Variants in GFOD2 observed in about 807,000 individuals in gnomAD.
The protein encoded by GFOD2 is Gfo/Idh/MocA-like oxidoreductase domain containing 2, also known as glucose-fructose oxidoreductase domain-containing protein 2.
Under a neutral mutation model 24.6 loss-of-function variants are expected in GFOD2, and 9 were observed. That is an observed-to-expected ratio of 0.37 (90% CI 0.22 to 0.64). GFOD2 has a LOEUF of 0.64. Among genes scored for constraint, GFOD2 ranks in the 30% least tolerant of loss-of-function variants. The pLI is 0.65. For missense variants in GFOD2, 476 were observed against 532.5 expected (o/e 0.89, Z 1.04); for synonymous variants, 211 against 224.8 (o/e 0.94, Z 0.55).
At chr16:67,701,506 C>T (rs2053402216) in intron 1 of GFOD2, among the ~76,000 whole-genome samples, 1 of 152,314 alleles carries the variant, frequency 6.6e-6, no homozygotes, top group Middle Eastern at 3.4e-3. Context: ...TACTTAAAGG[C>T]ACCATACTGT....
intron 1 of GFOD2, among the ~76,000 whole-genome samples, chr16:67,690,222 T>C (rs1054615240): frequency 1.3e-5 from 2 of 152,142 alleles, no homozygotes; most frequent in African/African-American, 4.8e-5. Context: ...GGTAATTAGA[T>C]TTTTAATTTT....
intron 1 of GFOD2, among the ~76,000 whole-genome samples, chr16:67,714,394 G>A (rs1354444394): frequency 2.7e-5 from 4 of 149,116 alleles, no homozygotes; most frequent in Non-Finnish European, 4.4e-5. Context: ...CACAAGAATC[G>A]CTTGAACCCA....
intron 1 of GFOD2, among the ~76,000 whole-genome samples, chr16:67,688,961 G>A (rs796174594): frequency 9.9e-5 from 15 of 150,996 alleles, no homozygotes; most frequent in Admixed American, 5.3e-4. Context: ...GGATGGTCTC[G>A]ATCTCCTGAC....
chr16:67,683,131 T>C, intron 2 of GFOD2: 1 of 876,514 alleles, frequency 1.1e-6, no homozygotes, highest in Non-Finnish European at 1.4e-6. Flanking sequence ...TGGCTAATTT[T>C]TAAACTTTTT....
intron 2 of GFOD2, among the ~76,000 whole-genome samples, chr16:67,679,225 C>A (rs1044423332): frequency 1.4e-5 from 2 of 146,832 alleles, no homozygotes; most frequent in African/African-American, 2.5e-5. Flanking sequence ...TAAATAATTT[C>A]TTTTTTTTTT....
rs574386871 is a variant in GFOD2, at chr16:67,699,721, C to A, written c.-87-13919G>T. On this transcript the variant is annotated intron_variant, in intron 1 of 2. Transcript: ENST00000268797. Reference sequence around the variant, plus strand: ...CTGGTCTCAAACTCCTGGCCTCAAGCGATCCACCAGCCTCAGCCTCCCAAA... The same window carrying A: ...CTGGTCTCAAACTCCTGGCCTCAAGAGATCCACCAGCCTCAGCCTCCCAAA... Among the ~76,000 whole-genome samples, 27 of 151,852 alleles carry A rather than the reference C, an allele frequency of 1.8e-4. No individual in the cohort carries two copies. In the South Asian group the frequency reaches 4.8e-3, roughly 27 times the overall value.
chr16:67,677,062 A>C (rs1283672267), intron 2 of GFOD2: 2 of 152,226 alleles, frequency 1.3e-5, no homozygotes, highest in Non-Finnish European at 2.9e-5. Flanking sequence ...TTTACAAGTC[A>C]TAGTAAGCCA....
At chr16:67,690,139 G>A (rs770519887) in intron 1 of GFOD2, among the ~76,000 whole-genome samples, 27 of 152,172 alleles carry the variant, frequency 1.8e-4, no homozygotes, top group Non-Finnish European at 3.5e-4. Context: ...TGAACATGGT[G>A]TACAAATATC....
Position 67,675,208 on chromosome 16 carries a change from C to T in GFOD2, c.1105G>A (p.Glu369Lys), listed in dbSNP as rs1417086980. 6.2e-7 allele frequency: 1 copy of T among 1,613,854 alleles called. No individual in the cohort carries two copies. Among genetic ancestry groups the T allele is most frequent in the Non-Finnish European group, 8.5e-7 (1 of 1,180,032 alleles). Residue 369 changes from glutamate (E) to lysine (K), a missense_variant, in exon 3 of 3, where the codon GAG (glutamate) becomes AAG (lysine). By Grantham distance (56) the Glu-to-Lys change is moderately conservative. Transcript: ENST00000268797. ...EWEAVEVLTE[E>K]PDTNQNLCEA... is the part of the protein sequence containing the mutation. ...CACAGGTTCTGGTTGGTGTCGGGCT[C>T]CTCCGTCAGCACCTCCACAGCCTCC...
intron 1 of GFOD2, among the ~76,000 whole-genome samples, chr16:67,710,501 C>A (rs966042397): frequency 6.6e-6 from 1 of 152,160 alleles, no homozygotes; most frequent in African/African-American, 2.4e-5. Flanking sequence ...AGTAGCTGGA[C>A]TACAGGCGCC....
chr16:67,683,052 C>T (rs1396102945), intron 2 of GFOD2: 1 of 334,400 alleles, frequency 3.0e-6, no homozygotes, highest in African/African-American at 2.2e-5. Context: ...CCTCTATCTC[C>T]TGGGCTCAAG....
At chr16:67,695,685 G>A (rs554921064) in intron 1 of GFOD2, among the ~76,000 whole-genome samples, 8 of 151,838 alleles carry the variant, frequency 5.3e-5, no homozygotes, top group Admixed American at 1.3e-4. Context: ...ACAGGCATGC[G>A]CCACCATACC....
At chr16:67,680,982 C>T in intron 2 of GFOD2, 1 of 985,422 alleles carries the variant, frequency 1.0e-6, no homozygotes. Context: ...GGTGGCCAGG[C>T]CCTTGCACGG....
intron 1 of GFOD2, among the ~76,000 whole-genome samples, chr16:67,706,005 C>G (rs1267752383): frequency 8.5e-6 from 1 of 117,308 alleles, no homozygotes; most frequent in Non-Finnish European, 1.7e-5. Context: ...TTTTTGGAGA[C>G]GGAGTCTTGC....
intron 1 of GFOD2, among the ~76,000 whole-genome samples, chr16:67,716,304 G>T (rs1451761784): frequency 1.3e-5 from 2 of 152,208 alleles, no homozygotes; most frequent in Admixed American, 6.5e-5. Flanking sequence ...TTACAGGCCA[G>T]ATATGATAAC....
intron 1 of GFOD2, among the ~76,000 whole-genome samples, chr16:67,697,176 G>C (rs1310493486): frequency 6.6e-6 from 1 of 152,160 alleles, no homozygotes; most frequent in African/African-American, 2.4e-5. Context: ...TCACTTTCCA[G>C]CTGGGTGACC....
rs560441468 is a variant in GFOD2, at chr16:67,675,071, T to C, written c.*84A>G. 2.7e-4 allele frequency: 395 copies of C among 1,438,152 alleles called. 4 individuals carry two copies. In the South Asian group the frequency reaches 4.6e-3, roughly 17 times the overall value. 89.1% of individuals were successfully genotyped at this position (1,438,152 alleles called of 1,614,324 possible). A position where few individuals can be genotyped will look rare whatever the true frequency, so the allele number is the denominator to read the frequency against. On this transcript the variant is annotated 3_prime_UTR_variant, in exon 3 of 3. Coordinates refer to ENST00000268797, the MANE Select transcript of GFOD2 (RefSeq NM_030819.4). ...CTCATTAAATGAAAGACACTGTCTC[T>C]GCTAGGGCCAAGTCCCTGTCATGTC... is the stretch of plus-strand genomic sequence containing the variant.
chr16:67,687,778 CA>C (rs1321520697), intron 1 of GFOD2, among the ~76,000 whole-genome samples: 1 of 136,810 alleles, frequency 7.3e-6, no homozygotes, highest in Non-Finnish European at 1.5e-5. Flanking sequence ...AAGATCAGCA[CA>C]AGCAACTTAG....
At chr16:67,682,175 C>T in intron 2 of GFOD2, 1 of 200,852 alleles carries the variant, frequency 5.0e-6, no homozygotes, top group Non-Finnish European at 8.9e-6. Context: ...GTAGCTGGGA[C>T]TATAGGCACG....
Sources: allele counts gnomAD v4.1 joint callset (sites outside exome capture counted in the v4.1 genomes callset), GRCh38; gene constraint gnomAD v4.1.1; transcripts MANE v1.5; gene names NCBI Gene and HGNC (gene_info 2026-07-23, HGNC 2026-07-21).